Variants in ATP2B2 observed in about 807,000 individuals in gnomAD.
ATP2B2 encodes plasma membrane calcium-transporting ATPase 2.
A neutral mutation model predicts 120.0 loss-of-function variants in ATP2B2; 15 were observed. The observed-to-expected ratio is 0.12, with a 90% CI of 0.08 to 0.19. The LOEUF is 0.19. ATP2B2 is among the 10% of genes least tolerant of loss of function. ATP2B2 has a pLI of 1.00. For missense variants in ATP2B2, 1,045 were observed against 1,719.8 expected (o/e 0.61, Z 6.94); for synonymous variants, 694 against 700.3 (o/e 0.99, Z 0.14).
At chr3:10,612,354 A>T (rs1416627729) in intron 2 of ATP2B2, among the ~76,000 whole-genome samples, 1 of 152,182 alleles carries the variant, frequency 6.6e-6, no homozygotes, top group Middle Eastern at 3.2e-3. Flanking sequence ...CCGAGTCCAG[A>T]GGCCATTTCT....
intron 2 of ATP2B2, among the ~76,000 whole-genome samples, chr3:10,548,702 G>C (rs76556149): frequency 1.1e-4 from 17 of 152,182 alleles, no homozygotes; most frequent in African/African-American, 4.1e-4. Flanking sequence ...GCATTCCCAC[G>C]CCTCACAAAT....
chr3:10,436,059 T>C (rs554117875), intron 2 of ATP2B2, among the ~76,000 whole-genome samples: 4 of 152,284 alleles, frequency 2.6e-5, no homozygotes, highest in Non-Finnish European at 5.9e-5. Context: ...GTGATCAAGC[T>C]AGGCCAATCA....
At position 10,375,588 on chromosome 3, in the gene ATP2B2, T is replaced by A. The variant is rs757802757; in HGVS notation, c.1258A>T (p.Thr420Ser). 1 of 1,613,564 alleles carries A rather than the reference T, an allele frequency of 6.2e-7. No homozygotes were observed. Among genetic ancestry groups the A allele is most frequent in the Non-Finnish European group, 8.5e-7 (1 of 1,180,018 alleles). Residue 420 changes from threonine (T) to serine (S), a missense_variant, in exon 11 of 23, where the codon ACC (threonine) becomes TCC (serine). Thr to Ser is a moderately conservative substitution (Grantham distance 58, BLOSUM62 1). Around this residue, in one of 11 missense-constraint regions of ATP2B2, gnomAD observed 343 missense variants for 536.8 expected, o/e 0.64. Coordinates refer to ENST00000360273, the MANE Select transcript of ATP2B2 (RefSeq NM_001001331.4). The surrounding 1 kb of genome is among the most constrained non-coding windows in gnomAD (Gnocchi z 4.2). ...IILVLYFTVD[T>S]FVVNKKPWLP... Reference sequence around the variant, plus strand: ...CACGGCTTCTTGTTGACCACGAAGGTGTCCACAGTGAAGTAGAGCACCAGG... The same window carrying A: ...CACGGCTTCTTGTTGACCACGAAGGAGTCCACAGTGAAGTAGAGCACCAGG...
intron 2 of ATP2B2, among the ~76,000 whole-genome samples, chr3:10,557,223 G>A (rs1378023375): frequency 2.0e-5 from 3 of 152,222 alleles, no homozygotes; most frequent in Non-Finnish European, 2.9e-5. Flanking sequence ...CACAGTTCCA[G>A]GGGCCCAGAA....
intron 1 of ATP2B2, among the ~76,000 whole-genome samples, chr3:10,494,213 G>T (rs943345585): frequency 6.6e-6 from 1 of 150,718 alleles, no homozygotes; most frequent in Non-Finnish European, 1.5e-5. Flanking sequence ...GGTGAAAGGT[G>T]CTCCCTCCCT....
At chr3:10,341,009 A>G (rs1172111166) in intron 19 of ATP2B2, among the ~76,000 whole-genome samples, 4 of 152,136 alleles carry the variant, frequency 2.6e-5, no homozygotes, top group Non-Finnish European at 5.9e-5. Flanking sequence ...TGGCTTCTAA[A>G]AAGTGACCTC....
intron 22 of ATP2B2, chr3:10,336,274 G>C: frequency 1.3e-6 from 2 of 1,550,570 alleles, no homozygotes; most frequent in Non-Finnish European, 1.7e-6. Context: ...AGGAGGCCCC[G>C]CTCTTGAAAG....
intron 1 of ATP2B2, among the ~76,000 whole-genome samples, chr3:10,646,008 C>A (rs2070312470): frequency 6.6e-6 from 1 of 152,166 alleles, no homozygotes. Flanking sequence ...ACACATGCAG[C>A]CTGGCTAGTT....
At chr3:10,337,988 C>T (rs913240603) in intron 22 of ATP2B2, among the ~76,000 whole-genome samples, 188 bp downstream of exon 22, 1 of 152,192 alleles carries the variant, frequency 6.6e-6, no homozygotes, top group African/African-American at 2.4e-5. Flanking sequence ...TCTGAGGAGG[C>T]CGTGCTGTTC....
chr3:10,683,760 G>GTGTGTGTGTA (rs1446781892), intron 1 of ATP2B2, among the ~76,000 whole-genome samples: 3 of 53,910 alleles, frequency 5.6e-5, no homozygotes, highest in African/African-American at 5.6e-5. Flanking sequence ...GTGTGTGTGT[G>GTGTGTGTGTA]TATATATATA....
intron 18 of ATP2B2, among the ~76,000 whole-genome samples, chr3:10,344,481 G>T (rs894332655): frequency 6.6e-6 from 1 of 152,246 alleles, no homozygotes; most frequent in Non-Finnish European, 1.5e-5. Context: ...GGGGAGCAGT[G>T]TTCCAGCGCC....
At chr3:10,473,783 A>G (rs1460378258) in intron 1 of ATP2B2, among the ~76,000 whole-genome samples, 2 of 152,206 alleles carry the variant, frequency 1.3e-5, no homozygotes, top group African/African-American at 4.8e-5. Context: ...GGGGCAAGAC[A>G]TGCTTTTAGT....
intron 1 of ATP2B2, among the ~76,000 whole-genome samples, chr3:10,503,243 C>T (rs2066465799): frequency 1.3e-5 from 2 of 152,198 alleles, no homozygotes. Context: ...GGCCCCAGCT[C>T]TCAGAGACCC....
intron 3 of ATP2B2, among the ~76,000 whole-genome samples, chr3:10,512,461 T>TGTGCGCGCGC (rs1553623891): frequency 9.7e-6 from 1 of 102,922 alleles, no homozygotes; most frequent in Non-Finnish European, 2.0e-5. Context: ...CTAAAGTGTG[T>TGTGCGCGCGC]GCGCACACAC....
intron 1 of ATP2B2, among the ~76,000 whole-genome samples, chr3:10,688,599 G>A (rs753263765): frequency 3.3e-5 from 5 of 152,136 alleles, no homozygotes; most frequent in East Asian, 1.9e-4. Context: ...GAAAGCCACC[G>A]GAGAAAGAAA....
At chr3:10,678,674 C>A (rs1232021807) in intron 1 of ATP2B2, among the ~76,000 whole-genome samples, 1 of 152,164 alleles carries the variant, frequency 6.6e-6, no homozygotes, top group African/African-American at 2.4e-5. Context: ...GAATTGGGAT[C>A]CCGGCCCCAC....
intron 5 of ATP2B2, among the ~76,000 whole-genome samples, chr3:10,396,035 T>C (rs1021348295): frequency 2.6e-5 from 4 of 152,234 alleles, no homozygotes; most frequent in African/African-American, 9.6e-5. Flanking sequence ...GATGATTTCC[T>C]TGGTGCCCTG....
chr3:10,602,725 G>A (rs1006519677), intron 2 of ATP2B2, among the ~76,000 whole-genome samples: 1 of 152,132 alleles, frequency 6.6e-6, no homozygotes, highest in Non-Finnish European at 1.5e-5. Flanking sequence ...ATGGGTAATC[G>A]CGTGGGTTGT....
intron 21 of ATP2B2, among the ~76,000 whole-genome samples, chr3:10,339,070 G>A (rs1037682531): frequency 7.2e-5 from 11 of 152,318 alleles, no homozygotes; most frequent in South Asian, 2.1e-4. Flanking sequence ...GCAGTCAGGC[G>A]CTGGCATGAA....
Sources: allele counts gnomAD v4.1 joint callset (sites outside exome capture counted in the v4.1 genomes callset), GRCh38; gene constraint gnomAD v4.1.1; regional missense constraint gnomAD v4.1.1; non-coding constraint Gnocchi (gnomAD v3.1); transcripts MANE v1.5; gene names NCBI Gene and HGNC (gene_info 2026-07-23, HGNC 2026-07-21).